The following ADAMTS19 variants were observed in gnomAD, a reference collection of about 807,000 sequenced individuals.
The protein encoded by ADAMTS19 is A disintegrin and metalloproteinase with thrombospondin motifs 19.
A neutral mutation model predicts 153.3 loss-of-function variants in ADAMTS19; 93 were observed. The ratio of observed to expected loss-of-function variants is 0.61; its 90% CI spans 0.51 to 0.72. The LOEUF (loss-of-function observed/expected upper bound fraction) is 0.72. ADAMTS19 is among the 30% of genes least tolerant of loss of function. The pLI is 0.00. For synonymous variants in ADAMTS19, 600 were observed against 556.6 expected (o/e 1.08, Z -1.10); for missense variants, 1,482 against 1,552.1 (o/e 0.95, Z 0.76).
chr5:129,515,375 T>G (rs969563042), intron 3 of ADAMTS19, among the ~76,000 whole-genome samples: 1 of 152,028 alleles, frequency 6.6e-6, no homozygotes, highest in Non-Finnish European at 1.5e-5. Context: ...ATCTGTAGAT[T>G]GCTTTGAGTA....
chr5:129,639,485 T>C (rs1752698328), intron 10 of ADAMTS19, among the ~76,000 whole-genome samples: 1 of 152,194 alleles, frequency 6.6e-6, no homozygotes, highest in Admixed American at 6.5e-5. Context: ...GATTTTATTC[T>C]ACGTGACCAT....
chr5:129,552,052 T>A (rs1753140810), intron 7 of ADAMTS19, 145 bp downstream of exon 7: 2 of 535,814 alleles, frequency 3.7e-6, no homozygotes, highest in East Asian at 3.3e-5. Flanking sequence ...ATATGTTTAA[T>A]CATTTGTCAG....
chr5:129,703,781 A>T (rs1029584699), intron 20 of ADAMTS19, among the ~76,000 whole-genome samples: 1 of 152,152 alleles, frequency 6.6e-6, no homozygotes, highest in Non-Finnish European at 1.5e-5. Context: ...TCTCTATTTC[A>T]TCTTTGAAAC....
chr5:129,709,720 A>C (rs1756350829), intron 21 of ADAMTS19, among the ~76,000 whole-genome samples: 1 of 152,332 alleles, frequency 6.6e-6, no homozygotes, highest in Admixed American at 6.5e-5. Context: ...CATACTTAAA[A>C]CAAGTCTAGA....
chr5:129,681,898 T>C (rs1291509454), intron 17 of ADAMTS19, among the ~76,000 whole-genome samples: 1 of 152,222 alleles, frequency 6.6e-6, no homozygotes, highest in Non-Finnish European at 1.5e-5. Flanking sequence ...TTTCATTCCA[T>C]GATTTGGTCA....
At chr5:129,691,208 T>C (rs755293319) in intron 18 of ADAMTS19, among the ~76,000 whole-genome samples, 1 of 152,194 alleles carries the variant, frequency 6.6e-6, no homozygotes, top group Non-Finnish European at 1.5e-5. Context: ...AAAGTTACCC[T>C]TCATTTTCAG....
chr5:129,602,625 T>A (rs1297180148), intron 8 of ADAMTS19, among the ~76,000 whole-genome samples: 1 of 152,226 alleles, frequency 6.6e-6, no homozygotes, highest in Non-Finnish European at 1.5e-5. Context: ...AATGTCATTC[T>A]CTTTTCATTA....
At chr5:129,553,984 A>T (rs772775691) in intron 7 of ADAMTS19, among the ~76,000 whole-genome samples, 1 of 152,170 alleles carries the variant, frequency 6.6e-6, no homozygotes, top group Non-Finnish European at 1.5e-5. Context: ...AAATGCAGCG[A>T]TAACAAAAAA....
At chr5:129,577,332 T>C (rs1297806516) in intron 7 of ADAMTS19, among the ~76,000 whole-genome samples, 1 of 152,182 alleles carries the variant, frequency 6.6e-6, no homozygotes, top group Non-Finnish European at 1.5e-5. Flanking sequence ...AATTAACATA[T>C]TGTTTTATTT....
chr5:129,477,292 A>G (rs1750257122), intron 2 of ADAMTS19, among the ~76,000 whole-genome samples: 1 of 152,180 alleles, frequency 6.6e-6, no homozygotes, highest in Non-Finnish European at 1.5e-5. Flanking sequence ...TAAAACAGTA[A>G]ATTAAAGAAA....
At chr5:129,607,994 C>CTATA (rs367884578) in intron 8 of ADAMTS19, among the ~76,000 whole-genome samples, 5,046 of 143,278 alleles carry the variant, frequency 0.035, 293 homozygotes, top group African/African-American at 0.12. Flanking sequence ...ATAAACAATT[C>CTATA]TATATATATA....
intron 18 of ADAMTS19, among the ~76,000 whole-genome samples, chr5:129,691,799 T>C (rs1279829955): frequency 1.3e-5 from 2 of 152,200 alleles, no homozygotes; most frequent in African/African-American, 2.4e-5. Flanking sequence ...TGCCGATACC[T>C]ATATCCCTTT....
At chr5:129,496,576 C>T (rs1222680831) in intron 2 of ADAMTS19, among the ~76,000 whole-genome samples, 2 of 151,732 alleles carry the variant, frequency 1.3e-5, no homozygotes, top group East Asian at 3.9e-4. Flanking sequence ...AGGTTGGCAA[C>T]ATCTCTGTCA....
At chr5:129,655,300 A>G (rs30671) in intron 14 of ADAMTS19, among the ~76,000 whole-genome samples, 62,856 of 151,952 alleles carry the variant, frequency 0.41, 14,378 homozygotes, top group African/African-American at 0.62. Context: ...TTTACTCTCA[A>G]CATCTACTAT....
chr5:129,711,397 T>G (rs1756457932), intron 21 of ADAMTS19, among the ~76,000 whole-genome samples: 1 of 152,154 alleles, frequency 6.6e-6, no homozygotes, highest in Non-Finnish European at 1.5e-5. Context: ...AATTCTTGAC[T>G]GGGCACGGTG....
In ADAMTS19 at chr5:129,658,347, A is replaced by AAGGAAAGAGAGAGAGAGAGAGAGAGAG. The variant is rs1753664267; in HGVS notation, c.2305-268_2305-267insGAAAGAGAGAGAGAGAGAGAGAGAGAG. On this transcript the variant is annotated intron_variant, in intron 14 of 22. Transcript: ENST00000274487. Reference sequence around the variant, plus strand: ...AAAGAAAGAAAGAAAGAAAGAAAGAAAGAAAGAAAGAAAGAAAGAAAGAGA... The same window carrying AAGGAAAGAGAGAGAGAGAGAGAGAGAG: ...AAAGAAAGAAAGAAAGAAAGAAAGAAAGGAAAGAGAGAGAGAGAGAGAGAGAGAGAAAGAAAGAAAGAAAGAAAGAGA... Among the ~76,000 whole-genome samples, 9 of 116,062 alleles carry AAGGAAAGAGAGAGAGAGAGAGAGAGAG rather than the reference A, an allele frequency of 7.8e-5. 1 individual carries two copies. The highest frequency in any genetic ancestry group is 3.3e-4 in the African/African-American group (9 of 27,214). The allele number at this position is 116,062 out of a possible 152,430, so 76.1% of individuals were successfully genotyped here.
intron 8 of ADAMTS19, among the ~76,000 whole-genome samples, chr5:129,602,243 C>T (rs137989974): frequency 7.7e-4 from 118 of 152,270 alleles, no homozygotes; most frequent in African/African-American, 2.7e-3. Context: ...CAGGCATGTG[C>T]CACCACACCC....
intron 2 of ADAMTS19, among the ~76,000 whole-genome samples, chr5:129,467,766 C>T (rs1749918558): frequency 1.3e-5 from 2 of 152,218 alleles, no homozygotes; most frequent in African/African-American, 4.8e-5. Context: ...GGTGTTACCA[C>T]ACAGAATCTC....
chr5:129,497,051 A>C (rs187198783), intron 2 of ADAMTS19, among the ~76,000 whole-genome samples: 57 of 152,206 alleles, frequency 3.7e-4, no homozygotes, highest in African/African-American at 7.0e-4. Flanking sequence ...AACAGCATGA[A>C]CACATGTGTT....
Sources: allele counts gnomAD v4.1 joint callset (sites outside exome capture counted in the v4.1 genomes callset), GRCh38; gene constraint gnomAD v4.1.1; transcripts MANE v1.5; gene names NCBI Gene and HGNC (gene_info 2026-07-23, HGNC 2026-07-21).